The following LINC00237 variants were observed in gnomAD, a reference collection of about 807,000 sequenced individuals.
LINC00237 encodes long independently transcribed non-coding RNA 237.
chr20:21,105,048 A>C (rs2030980538), intron 1 of LINC00237, among the ~76,000 whole-genome samples: 1 of 152,120 alleles, frequency 6.6e-6, no homozygotes, highest in African/African-American at 2.4e-5. Context: ...AGGTTCGGCC[A>C]CTGCACCTGG....
chr20:21,093,428 C>T (rs2030817155), intron 2 of LINC00237: 1 of 152,214 alleles, frequency 6.6e-6, no homozygotes, highest in South Asian at 2.1e-4. Context: ...GCAGATCTTC[C>T]TTTAGTGGTT....
At chr20:21,096,448 T>C (rs2030859467) in intron 1 of LINC00237, among the ~76,000 whole-genome samples, 1 of 152,168 alleles carries the variant, frequency 6.6e-6, no homozygotes, top group Admixed American at 6.5e-5. Context: ...GAATGTTTAG[T>C]CACATGGTCC....
intron 2 of LINC00237, chr20:21,093,043 A>G (rs1036467912): frequency 6.6e-6 from 1 of 152,222 alleles, no homozygotes; most frequent in African/African-American, 2.4e-5. Context: ...GACCCATGGC[A>G]GAACCCACAC....
chr20:21,094,211 T>G lies in LINC00237; in HGVS notation n.89-359A>C, dbSNP rs145784325. ...GAAATCTACTAGAAATGAGTTCTAC[T>G]GATCTAATCTTAACCCAAGGGCAGA... On this transcript the variant is annotated intron_variant and non_coding_transcript_variant, in intron 1 of 3. Transcript: ENST00000691244. Among the ~76,000 whole-genome samples, 1,098 of 152,346 alleles carry G rather than the reference T, an allele frequency of 7.2e-3. 13 individuals are homozygous for G. Among genetic ancestry groups the G allele is most frequent in the Non-Finnish European group, 0.012 (800 of 68,032 alleles).
chr20:21,097,515 G>T lies in LINC00237; in HGVS notation n.89-3663C>A, dbSNP rs767978218. 5.9e-5 allele frequency among the ~76,000 whole-genome samples: 9 copies of T among 151,846 alleles called. No individual in the cohort carries two copies. In the South Asian group the frequency reaches 1.9e-3, roughly 31 times the overall value. ...AGAGATTGTACTAAATTTTAAAATC[G>T]TTATTCTGCCTTAACCATTCTTTAA... On this transcript the variant is annotated intron_variant and non_coding_transcript_variant, in intron 1 of 3. Transcript: ENST00000691244.
intron 1 of LINC00237, among the ~76,000 whole-genome samples, chr20:21,105,974 G>T (rs1320796913): frequency 6.6e-6 from 1 of 152,196 alleles, no homozygotes; most frequent in African/African-American, 2.4e-5. Context: ...GGGGTCGGGG[G>T]GATGGGATCC....
In LINC00237 at chr20:21,086,668, T is replaced by TAC. The variant is rs1568883454; in HGVS notation, n.560-781_560-780insGT. On this transcript the variant is annotated intron_variant and non_coding_transcript_variant, in intron 3 of 3. Transcript: ENST00000691244. ...AGTATACTATATATGTATAGTATACTATATATAGTATACTACATATACATA... is the reference window on the plus strand; with the variant it reads ...AGTATACTATATATGTATAGTATACTACATATATAGTATACTACATATACATA... Among the ~76,000 whole-genome samples, 33 of 43,500 alleles carry TAC rather than the reference T, an allele frequency of 7.6e-4. 2 individuals carry two copies. The highest frequency in any genetic ancestry group is 1.7e-3 in the Admixed American group (7 of 4,016). 28.5% of individuals were successfully genotyped at this position (43,500 alleles called of 152,430 possible).
chr20:21,086,653 A>G (rs1156521060), intron 3 of LINC00237, among the ~76,000 whole-genome samples: 2 of 107,524 alleles, frequency 1.9e-5, no homozygotes, highest in African/African-American at 6.7e-5. Context: ...AGTATACTAT[A>G]TATGTATAGT....
rs561396616 is a variant in LINC00237 at position 21,100,091 on chromosome 20, C to T, written n.88+6180G>A. Among the ~76,000 whole-genome samples, 281 of 152,118 alleles carry T rather than the reference C, an allele frequency of 1.8e-3. 1 individual carries two copies. Among genetic ancestry groups the T allele is most frequent in the African/African-American group, 6.1e-3 (251 of 41,478 alleles). On this transcript the variant is annotated intron_variant and non_coding_transcript_variant, in intron 1 of 3. Transcript: ENST00000691244. ...CGAAAGCGACAGTTTCTTCTCTTCG[C>T]TTTTTTTTCTTTTTTAAGAACTCGA...
At chr20:21,087,250 G>A (rs1353487575) in intron 3 of LINC00237, among the ~76,000 whole-genome samples, 1 of 151,722 alleles carries the variant, frequency 6.6e-6, no homozygotes, top group Non-Finnish European at 1.5e-5. Context: ...CAGGATCTTG[G>A]CATTTTTCTT....
chr20:21,089,773 GA>G (rs1454157140), intron 2 of LINC00237: 1 of 152,176 alleles, frequency 6.6e-6, no homozygotes, highest in African/African-American at 2.4e-5. Flanking sequence ...GATGTTAAGA[GA>G]AAATTAAATA....
chr20:21,094,989 G>T (rs2030838459), intron 1 of LINC00237, among the ~76,000 whole-genome samples: 1 of 152,194 alleles, frequency 6.6e-6, no homozygotes, highest in Non-Finnish European at 1.5e-5. Context: ...AGGTGAGGTT[G>T]CAGTGAGCAG....
intron 2 of LINC00237, among the ~76,000 whole-genome samples, chr20:21,091,309 C>T (rs1016978181): frequency 6.6e-6 from 1 of 152,018 alleles, no homozygotes; most frequent in African/African-American, 2.4e-5. Flanking sequence ...ACGAGAGAGC[C>T]GTCATATTTT....
intron 1 of LINC00237, chr20:21,093,989 C>G (rs2030823943): frequency 6.6e-6 from 1 of 152,166 alleles, no homozygotes; most frequent in Non-Finnish European, 1.5e-5. Flanking sequence ...AATGCTTGAC[C>G]CAAAGGAATG....
Position 21,101,552 on chromosome 20 carries a change from C to G in LINC00237, n.88+4719G>C, listed in dbSNP as rs2030931719. ...CTCCAGTGTCCCCAGGGACGCAGTC[C>G]GCGGCCGCCAGCTCCAGGGGCTCGG... On this transcript the variant is annotated intron_variant and non_coding_transcript_variant, in intron 1 of 3. Coordinates refer to ENST00000691244, the Ensembl canonical transcript of LINC00237. The surrounding 1 kb of genome is among the most constrained non-coding windows in gnomAD (Gnocchi z 4.3). 1 of 152,404 alleles carries G rather than the reference C, an allele frequency of 6.6e-6. No individual in the cohort carries two copies. The highest frequency in any genetic ancestry group is 6.5e-5 in the Admixed American group (1 of 15,292). The allele number at this position is 152,404 out of a possible 1,614,324, so 9.4% of individuals were successfully genotyped here.
intron 1 of LINC00237, chr20:21,093,922 T>C (rs1197655079): frequency 6.6e-6 from 1 of 152,276 alleles, no homozygotes; most frequent in Non-Finnish European, 1.5e-5. Flanking sequence ...TTCAAATGTA[T>C]ACCCTATCCT....
At chr20:21,105,417 T>C (rs1483075121) in intron 1 of LINC00237, among the ~76,000 whole-genome samples, 2 of 152,036 alleles carry the variant, frequency 1.3e-5, no homozygotes, top group African/African-American at 4.8e-5. Context: ...TCTCCCTGTG[T>C]CCCGCAAGTG....
chr20:21,100,924 C>T (rs867610882), intron 1 of LINC00237, among the ~76,000 whole-genome samples: 3 of 152,314 alleles, frequency 2.0e-5, no homozygotes, highest in Non-Finnish European at 4.4e-5. Flanking sequence ...CCGATGATGT[C>T]GCTAGCGGCC....
Position 21,087,946 on chromosome 20 carries a change from G to A in LINC00237, n.557C>T, listed in dbSNP as rs371055894. ...CCTGCCAATTAATTACACAGTACCT[G>A]TTCTCTTCTTCTTTAGTAAAATAAT... On this transcript the variant is annotated splice_region_variant and non_coding_transcript_exon_variant, in exon 3 of 4. Coordinates refer to ENST00000691244, the Ensembl canonical transcript of LINC00237. 2.8e-3 allele frequency: 429 copies of A among 152,258 alleles called. 1 individual carries two copies. The highest frequency in any genetic ancestry group is 9.9e-3 in the African/African-American group (413 of 41,554). 9.4% of individuals were successfully genotyped at this position (152,258 alleles called of 1,614,324 possible).
Sources: gnomAD v4.1 joint callset for allele counts (sites outside exome capture counted in the v4.1 genomes callset) on GRCh38, gnomAD v4.1.1 for gene constraint, Gnocchi (gnomAD v3.1) non-coding constraint, MANE v1.5 for transcripts, NCBI Gene and HGNC (gene_info 2026-07-23, HGNC 2026-07-21) for gene names.